SPATA1: variants seen among roughly 807,000 people sequenced by gnomAD.
The protein encoded by SPATA1 is spermatogenesis-associated protein 1.
SPATA1 carries 57 observed loss-of-function variants against 59.6 expected under a neutral mutation model. The ratio of observed to expected loss-of-function variants is 0.96; its 90% CI spans 0.77 to 1.19. SPATA1 has a LOEUF of 1.19. Ranked by LOEUF, SPATA1 falls within the 50% of genes most tolerant of loss-of-function variation. The probability of loss-of-function intolerance (pLI) is 0.00; values close to 1 mark genes in which losing one functional copy is unlikely to be tolerated. For missense variants in SPATA1, 448 were observed against 480.7 expected (o/e 0.93, Z 0.64); for synonymous variants, 147 against 163.9 (o/e 0.90, Z 0.79).
At chr1:84,509,627 G>A (rs1360655504) in intron 1 of SPATA1, among the ~76,000 whole-genome samples, 8 of 152,320 alleles carry the variant, frequency 5.3e-5, no homozygotes, top group South Asian at 4.1e-4. Flanking sequence ...TTAGCTGGGC[G>A]TAGTGGCACA....
intron 11 of SPATA1, 121 bp downstream of exon 11, chr1:84,549,085 T>TA (rs902524757): frequency 7.3e-5 from 72 of 984,582 alleles, no homozygotes; most frequent in Admixed American, 4.0e-4. Flanking sequence ...CTTAAAACAA[T>TA]AAAAAAACTC....
At chr1:84,552,663 T>G (rs60419306) in intron 12 of SPATA1, 13,963 of 162,408 alleles carry the variant, frequency 0.086, 1,215 homozygotes, top group African/African-American at 0.23. Context: ...GAATTAAGGG[T>G]TTTTTTTGTA....
intron 8 of SPATA1, among the ~76,000 whole-genome samples, chr1:84,541,507 A>C (rs1683901993): frequency 6.6e-6 from 1 of 151,952 alleles, no homozygotes; most frequent in South Asian, 2.1e-4. Context: ...ACACCTGCTA[A>C]TTTATTCATT....
At chr1:84,564,150 TATG>T (rs1187890383) in intron 4 of SPATA1, among the ~76,000 whole-genome samples, 5 of 152,346 alleles carry the variant, frequency 3.3e-5, no homozygotes, top group African/African-American at 1.2e-4. Context: ...AATTCTAAGA[TATG>T]ATATACTTGA....
intron 1 of SPATA1, among the ~76,000 whole-genome samples, chr1:84,508,646 C>G (rs964688356): frequency 6.6e-6 from 1 of 152,230 alleles, no homozygotes; most frequent in Non-Finnish European, 1.5e-5. Flanking sequence ...CTTTAGTTCA[C>G]TAGGTCTAAA....
chr1:84,516,430 G>A, intron 2 of SPATA1, 35 bp downstream of exon 2: 1 of 1,258,486 alleles, frequency 7.9e-7, no homozygotes, highest in Non-Finnish European at 1.1e-6. Context: ...ATATAAGAAA[G>A]ACCTGCTTAT....
chr1:84,567,027 T>C (rs1480703915), downstream of SPATA1, among the ~76,000 whole-genome samples: 2 of 152,246 alleles, frequency 1.3e-5, no homozygotes, highest in Non-Finnish European at 2.9e-5. Context: ...ATTTTATACA[T>C]GTACAAATGT....
chr1:84,530,763 GAGCTCTTTTGTGTTTGACTAA>G (rs1476903121), intron 6 of SPATA1, among the ~76,000 whole-genome samples: 1 of 152,212 alleles, frequency 6.6e-6, no homozygotes, highest in Non-Finnish European at 1.5e-5. Flanking sequence ...GCCAGGACTT[GAGCTCTTTTGTGTTTGACTAA>G]AGCCCATGCT....
chr1:84,545,642 A>T (rs1383293585), exon 10 of SPATA1: 4 of 1,512,360 alleles, frequency 2.6e-6, no homozygotes, highest in South Asian at 1.4e-5. Context: ...AGGAGAGAAG[A>T]TTATCAAACA....
chr1:84,565,969 C>T, exon 5 of SPATA1: 1 of 1,588,662 alleles, frequency 6.3e-7, no homozygotes, highest in South Asian at 1.2e-5. Flanking sequence ...ATTATAGCAT[C>T]TTCTGTCTAT....
chr1:84,566,992 C>T (rs188434750), downstream of SPATA1, among the ~76,000 whole-genome samples: 2 of 152,260 alleles, frequency 1.3e-5, no homozygotes, highest in Non-Finnish European at 2.9e-5. Context: ...ATGTTTATTG[C>T]CTTAACCAAA....
intron 4 of SPATA1, among the ~76,000 whole-genome samples, chr1:84,560,898 A>G (rs1422479139): frequency 6.6e-6 from 1 of 152,242 alleles, no homozygotes; most frequent in African/African-American, 2.4e-5. Context: ...GATTTCTTTC[A>G]AAATATTACT....
intron 8 of SPATA1, among the ~76,000 whole-genome samples, chr1:84,543,059 A>G: frequency 6.6e-6 from 1 of 152,190 alleles, no homozygotes; most frequent in Non-Finnish European, 1.5e-5. Context: ...ACAATATACT[A>G]TAATAAAAGT....
chr1:84,525,855 C>G (rs1683197850), exon 6 of SPATA1: 1 of 1,610,512 alleles, frequency 6.2e-7, no homozygotes, highest in Non-Finnish European at 8.5e-7. Context: ...GCTCTTCAAC[C>G]AGAATTATAT....
exon 5 of SPATA1, chr1:84,566,129 C>T (rs1684695792): frequency 3.9e-6 from 2 of 508,610 alleles, no homozygotes; most frequent in Non-Finnish European, 6.2e-6. Flanking sequence ...GAACTGCTTA[C>T]AGTATATGAA....
chr1:84,542,517 T>A (rs72950320), intron 8 of SPATA1, among the ~76,000 whole-genome samples: 2,351 of 152,268 alleles, frequency 0.015, 59 homozygotes, highest in African/African-American at 0.053. Flanking sequence ...TTCTTTGCTC[T>A]ATTTTTCCAC....
chr1:84,567,033 A>G (rs1252510078), downstream of SPATA1, among the ~76,000 whole-genome samples: 2 of 152,156 alleles, frequency 1.3e-5, no homozygotes, highest in Admixed American at 6.5e-5. Context: ...TACATGTACA[A>G]ATGTTCTAAA....
At chr1:84,517,275 C>G (rs772738408) in intron 2 of SPATA1, among the ~76,000 whole-genome samples, 23 of 152,204 alleles carry the variant, frequency 1.5e-4, no homozygotes, top group Middle Eastern at 3.4e-3. Flanking sequence ...CATCTTCCTC[C>G]TGACCTCTTA....
intron 10 of SPATA1, among the ~76,000 whole-genome samples, chr1:84,548,417 GTATA>G (rs1252402318): frequency 2.1e-5 from 3 of 141,470 alleles, no homozygotes; most frequent in Non-Finnish European, 4.7e-5. Context: ...TATGTTATAT[GTATA>G]TATGTTATAG....
Sources: allele counts gnomAD v4.1 joint callset (sites outside exome capture counted in the v4.1 genomes callset), GRCh38; gene constraint gnomAD v4.1.1; transcripts MANE v1.5; gene names NCBI Gene and HGNC (gene_info 2026-07-23, HGNC 2026-07-21).